AJAP1: variants seen among roughly 807,000 people sequenced by gnomAD.
The protein encoded by AJAP1 is adherens junction-associated protein 1.
A neutral mutation model predicts 35.0 loss-of-function variants in AJAP1; 5 were observed. The ratio of observed to expected loss-of-function variants is 0.14; its 90% CI spans 0.07 to 0.30. AJAP1 has a LOEUF of 0.30. Among genes scored for constraint, AJAP1 ranks in the 10% least tolerant of loss-of-function variants. The probability of loss-of-function intolerance (pLI) is 1.00; values close to 1 mark genes in which losing one functional copy is unlikely to be tolerated. For synonymous variants in AJAP1, 284 were observed against 249.3 expected, an observed-to-expected ratio of 1.14 and a Z score of -1.31; for missense variants, 586 against 571.0, an observed-to-expected ratio of 1.03 and a Z score of -0.27.
chr1:4,674,414 C>T (rs1639316881), intron 1 of AJAP1, among the ~76,000 whole-genome samples: 1 of 152,210 alleles, frequency 6.6e-6, no homozygotes, highest in Non-Finnish European at 1.5e-5. Context: ...CAGGGGCATG[C>T]CCACTGATTT....
intron 2 of AJAP1, among the ~76,000 whole-genome samples, chr1:4,743,028 C>T (rs1016162196): frequency 6.6e-6 from 1 of 152,194 alleles, no homozygotes; most frequent in Non-Finnish European, 1.5e-5. Flanking sequence ...GTCCCCTGTC[C>T]CCGTCAGAAC....
intron 2 of AJAP1, among the ~76,000 whole-genome samples, chr1:4,721,976 A>T (rs1179517603): frequency 1.3e-5 from 2 of 152,192 alleles, no homozygotes; most frequent in African/African-American, 2.4e-5. Flanking sequence ...TTACGTGCAT[A>T]TATACAGCAT....
chr1:4,683,232 A>G (rs748386548), intron 1 of AJAP1, among the ~76,000 whole-genome samples: 1 of 152,196 alleles, frequency 6.6e-6, no homozygotes, highest in Non-Finnish European at 1.5e-5. Flanking sequence ...GGAAGAGTAA[A>G]ATGATTAATG....
rs551450150 is a variant in AJAP1 at position 4,685,444 on chromosome 1, G to A, written c.30-26456G>A. 2.0e-5 allele frequency among the ~76,000 whole-genome samples: 3 copies of A among 152,336 alleles called. No individual in the cohort carries two copies. The East Asian group carries it at 5.8e-4, about 29-fold the overall frequency. ...CAAGCTCCCATGTCACTACCTTCCT[G>A]AGGATGCTTATTTAGGGGGTCTTTT... is the stretch of plus-strand genomic sequence containing the variant. On this transcript the variant is annotated intron_variant, in intron 1 of 5. Transcript: ENST00000378191.
intron 2 of AJAP1, among the ~76,000 whole-genome samples, chr1:4,763,431 C>T (rs1463437170): frequency 1.3e-5 from 2 of 152,184 alleles, no homozygotes. Flanking sequence ...TTCATCTCCA[C>T]GTAGTGTTGG....
intron 1 of AJAP1, among the ~76,000 whole-genome samples, chr1:4,660,290 C>T (rs1336405240): frequency 6.6e-6 from 1 of 152,186 alleles, no homozygotes; most frequent in Non-Finnish European, 1.5e-5. Context: ...ACTACTGCTA[C>T]AGATGAGTAG....
intron 2 of AJAP1, among the ~76,000 whole-genome samples, chr1:4,714,035 T>A (rs1183493491): frequency 6.6e-6 from 1 of 152,230 alleles, no homozygotes; most frequent in Non-Finnish European, 1.5e-5. Flanking sequence ...GGACAGGTTT[T>A]CATGGGGTGG....
intron 2 of AJAP1, among the ~76,000 whole-genome samples, chr1:4,735,865 C>T (rs1557632277): frequency 6.6e-6 from 1 of 152,252 alleles, no homozygotes; most frequent in Non-Finnish European, 1.5e-5. Context: ...GTCACTGCAG[C>T]TCAGCCCTGG....
chr1:4,671,925 G>T (rs1177776981), intron 1 of AJAP1, among the ~76,000 whole-genome samples: 1 of 152,166 alleles, frequency 6.6e-6, no homozygotes, highest in African/African-American at 2.4e-5. Context: ...GTTGCAGTAG[G>T]AGCAGACTTT....
chr1:4,735,879 C>A (rs1488720457), intron 2 of AJAP1, among the ~76,000 whole-genome samples: 1 of 152,228 alleles, frequency 6.6e-6, no homozygotes, highest in Non-Finnish European at 1.5e-5. Context: ...GCCCTGGGGC[C>A]CGCCTCCTGA....
chr1:4,751,617 C>A (rs1401930906), intron 2 of AJAP1, among the ~76,000 whole-genome samples: 1 of 152,240 alleles, frequency 6.6e-6, no homozygotes, highest in Non-Finnish European at 1.5e-5. Context: ...AGCTCATCCT[C>A]CTGGCTGCGC....
At chr1:4,672,536 T>TCC (rs1024441283) in intron 1 of AJAP1, among the ~76,000 whole-genome samples, 1 of 152,164 alleles carries the variant, frequency 6.6e-6, no homozygotes, top group Non-Finnish European at 1.5e-5. Flanking sequence ...CTCAGGAGGC[T>TCC]CCCAGGCAGC....
chr1:4,757,171 C>T (rs1208594638), intron 2 of AJAP1, among the ~76,000 whole-genome samples: 1 of 152,220 alleles, frequency 6.6e-6, no homozygotes, highest in African/African-American at 2.4e-5. Flanking sequence ...TCTGGTCTTT[C>T]TCTCAGAAGA....
rs759925285 is a variant in AJAP1 at position 4,655,406 on chromosome 1, C to T, written c.-20C>T. On this transcript the variant is annotated 5_prime_UTR_variant, in exon 1 of 6. Transcript: ENST00000378191. The surrounding 1 kb of genome is among the most constrained non-coding windows in gnomAD (Gnocchi z 6.9). The stretch of plus-strand genomic sequence containing the variant: ...GCCTGGGCGAGCCAGGTCTGAGGCC[C>T]CGCTCCCCGAAACGTGACCATGTGG... 1 of 1,558,242 alleles carries T rather than the reference C, an allele frequency of 6.4e-7. No individual in the cohort carries two copies. Among genetic ancestry groups the T allele is most frequent in the South Asian group, 1.2e-5 (1 of 86,568 alleles).
At chr1:4,758,638 T>C (rs1215103921) in intron 2 of AJAP1, among the ~76,000 whole-genome samples, 1 of 151,914 alleles carries the variant, frequency 6.6e-6, no homozygotes, top group Non-Finnish European at 1.5e-5. Context: ...CCTTGACAAG[T>C]GGGGATTATG....
chr1:4,777,047 G>A (rs777703221), intron 5 of AJAP1, among the ~76,000 whole-genome samples: 16 of 152,190 alleles, frequency 1.1e-4, no homozygotes, highest in Non-Finnish European at 2.4e-4. Context: ...TTCTGTTGCC[G>A]ATTGCGGGAC....
At chr1:4,746,135 G>A (rs1333685688) in intron 2 of AJAP1, among the ~76,000 whole-genome samples, 3 of 152,184 alleles carry the variant, frequency 2.0e-5, no homozygotes, top group African/African-American at 7.2e-5. Flanking sequence ...CTCCTGGGGA[G>A]GAGCCTTCCT....
rs144484391 is a variant in AJAP1, at chr1:4,781,162, G to A, written c.*60-1383G>A. ...AGCTGTTCTGGGGCCTGCCAGCCTC[G>A]CTGTCCACTCCTGGGATGTGTCCCT... is the stretch of plus-strand genomic sequence containing the variant. On this transcript the variant is annotated intron_variant, in intron 5 of 5. Transcript: ENST00000378191. 6.6e-3 allele frequency among the ~76,000 whole-genome samples: 1,006 copies of A among 152,300 alleles called. 43 individuals carry two copies. Among genetic ancestry groups the A allele is most frequent in the Admixed American group, 0.062 (943 of 15,294 alleles).
chr1:4,716,877 T>A lies in AJAP1; in HGVS notation c.829+4178T>A, dbSNP rs149326121. On this transcript the variant is annotated intron_variant, in intron 2 of 5. Coordinates refer to ENST00000378191, the MANE Select transcript of AJAP1 (RefSeq NM_018836.4). Reference sequence around the variant, plus strand: ...GTCATTTGATGAGTTCCTGCAGCCATGTCCCTGACCTTGGCGCTCTGTACA... The same window carrying A: ...GTCATTTGATGAGTTCCTGCAGCCAAGTCCCTGACCTTGGCGCTCTGTACA... Among the ~76,000 whole-genome samples, 384 of 152,344 alleles carry A rather than the reference T, an allele frequency of 2.5e-3. 1 individual carries two copies. The highest frequency in any genetic ancestry group is 4.5e-3 in the Non-Finnish European group (303 of 68,024).
Sources: allele counts gnomAD v4.1 joint callset (sites outside exome capture counted in the v4.1 genomes callset), GRCh38; gene constraint gnomAD v4.1.1; non-coding constraint Gnocchi (gnomAD v3.1); transcripts MANE v1.5; gene names NCBI Gene and HGNC (gene_info 2026-07-23, HGNC 2026-07-21).